Variants in PPP2R2C observed in about 807,000 individuals in gnomAD.
The protein encoded by PPP2R2C is protein phosphatase 2, regulatory subunit B, gamma.
In PPP2R2C, 10 loss-of-function variants were observed where a neutral mutation model predicts 45.3. That is an observed-to-expected ratio of 0.22 (90% CI 0.14 to 0.37). The LOEUF is 0.37. PPP2R2C is among the 10% of genes least tolerant of loss of function. The pLI, the probability that PPP2R2C is intolerant of heterozygous loss-of-function variation, is 1.00. For missense variants in PPP2R2C, 308 were observed against 619.7 expected, an observed-to-expected ratio of 0.50 and a Z score of 5.34; for synonymous variants, 257 against 245.4, an observed-to-expected ratio of 1.05 and a Z score of -0.44.
At chr4:6,537,949 G>A (rs971441621) in intron 1 of PPP2R2C, among the ~76,000 whole-genome samples, 3 of 152,128 alleles carry the variant, frequency 2.0e-5, no homozygotes, top group Admixed American at 2.0e-4. Context: ...CATAGAGACA[G>A]GAAGCAGAAT....
chr4:6,418,235 C>G (rs4379121), intron 1 of PPP2R2C, among the ~76,000 whole-genome samples: 77,866 of 151,986 alleles, frequency 0.51, 21,368 homozygotes, highest in East Asian at 0.87. Flanking sequence ...ACCATTCAGA[C>G]CCACCTACCC....
chr4:6,361,580 T>C lies in PPP2R2C; in HGVS notation c.625+10943A>G, dbSNP rs577245139. ...GACCCAGCACATGGCTACAGTTAAA[T>C]TGAATTTAGTTAAATTAGAACTCCC... On this transcript the variant is annotated intron_variant, in intron 5 of 8. Transcript: ENST00000382599. Among the ~76,000 whole-genome samples, 9 of 152,370 alleles carry C rather than the reference T, an allele frequency of 5.9e-5. No homozygotes were observed. The East Asian group carries it at 1.5e-3, about 26-fold the overall frequency.
intron 5 of PPP2R2C, among the ~76,000 whole-genome samples, chr4:6,363,408 C>G (rs1713996376): frequency 6.6e-6 from 1 of 152,016 alleles, no homozygotes; most frequent in Non-Finnish European, 1.5e-5. Context: ...GAAACCCCGT[C>G]TCTACTAAAA....
At chr4:6,542,376 G>T (rs1244103919) in intron 1 of PPP2R2C, among the ~76,000 whole-genome samples, 2 of 152,220 alleles carry the variant, frequency 1.3e-5, no homozygotes. Context: ...TGACAGGACA[G>T]AACACATTAC....
At chr4:6,375,999 T>A in intron 3 of PPP2R2C, 68 bp from the exon 4 acceptor site, 1 of 1,350,652 alleles carries the variant, frequency 7.4e-7, no homozygotes, top group South Asian at 1.2e-5. Flanking sequence ...AAGATCCACT[T>A]TAGAAGGTGA....
intron 5 of PPP2R2C, chr4:6,350,404 A>T (rs1465503734): frequency 1.0e-6 from 1 of 985,304 alleles, no homozygotes; most frequent in East Asian, 1.1e-4. Context: ...GCCCATGGAT[A>T]ATGTGCAGTA....
chr4:6,508,086 C>A (rs1723297343), intron 2 of PPP2R2C, among the ~76,000 whole-genome samples: 1 of 152,140 alleles, frequency 6.6e-6, no homozygotes, highest in East Asian at 1.9e-4. Context: ...CATAGTAAGA[C>A]CCCAGTCTCT....
intron 1 of PPP2R2C, among the ~76,000 whole-genome samples, chr4:6,463,793 A>C (rs4321706): frequency 0.58 from 88,449 of 152,104 alleles, 27,003 homozygotes; most frequent in East Asian, 0.72. Context: ...CACGTGTCCA[A>C]TTGTGGCCTC....
chr4:6,382,978 C>T, intron 1 of PPP2R2C: 1 of 1,071,940 alleles, frequency 9.3e-7, no homozygotes. Context: ...CCCAGGTGGG[C>T]CGCATCTGGA....
At chr4:6,382,087 A>C in intron 1 of PPP2R2C, 2 of 1,361,322 alleles carry the variant, frequency 1.5e-6, no homozygotes, top group Non-Finnish European at 9.4e-7. Flanking sequence ...CAGCCCCAAA[A>C]TGATTATTAC....
At chr4:6,486,077 T>C (rs1481388593) in intron 2 of PPP2R2C, among the ~76,000 whole-genome samples, 1 of 152,054 alleles carries the variant, frequency 6.6e-6, no homozygotes, top group African/African-American at 2.4e-5. Flanking sequence ...TAGATTTTGA[T>C]ACACTGTGTT....
intron 1 of PPP2R2C, among the ~76,000 whole-genome samples, chr4:6,464,527 G>A (rs548408959): frequency 5.9e-5 from 9 of 152,278 alleles, no homozygotes; most frequent in Non-Finnish European, 1.2e-4. Context: ...ACATAACAGG[G>A]ATCAGCCAAT....
intron 2 of PPP2R2C, among the ~76,000 whole-genome samples, chr4:6,520,881 AGGCAAAGTGCCCAG>A (rs1234464229): frequency 1.2e-4 from 19 of 152,242 alleles, no homozygotes; most frequent in African/African-American, 3.6e-4. Flanking sequence ...GAAGTGCAGG[AGGCAAAGTGCCCAG>A]GGCTGGGAAG....
intron 6 of PPP2R2C, among the ~76,000 whole-genome samples, chr4:6,341,641 T>G (rs1329131700): frequency 6.6e-6 from 1 of 152,084 alleles, no homozygotes; most frequent in Admixed American, 6.6e-5. Context: ...TGAAGGACCT[T>G]GAGGTACGGA....
chr4:6,476,691 C>T (rs939702953), upstream of PPP2R2C, among the ~76,000 whole-genome samples: 1 of 152,170 alleles, frequency 6.6e-6, no homozygotes, highest in Non-Finnish European at 1.5e-5. Flanking sequence ...CCCATCTTGA[C>T]TTTTAACACT....
chr4:6,335,715 G>C (rs1384657226), intron 6 of PPP2R2C, among the ~76,000 whole-genome samples: 1 of 151,958 alleles, frequency 6.6e-6, no homozygotes, highest in Non-Finnish European at 1.5e-5. Context: ...CCTGATCCCA[G>C]GCCACTGCAT....
At chr4:6,509,038 C>T (rs185114630) in intron 2 of PPP2R2C, among the ~76,000 whole-genome samples, 81 of 152,364 alleles carry the variant, frequency 5.3e-4, no homozygotes, top group Middle Eastern at 6.8e-3. Context: ...TCAGACGAAT[C>T]CTTTCCTCTT....
chr4:6,462,134 T>C (rs1053622019), intron 1 of PPP2R2C, among the ~76,000 whole-genome samples: 5 of 152,246 alleles, frequency 3.3e-5, no homozygotes, highest in Admixed American at 2.6e-4. Context: ...CCAAGGCCGA[T>C]GCCCAGGTCC....
upstream of PPP2R2C, among the ~76,000 whole-genome samples, chr4:6,474,801 C>T (rs911123119): frequency 4.0e-5 from 6 of 150,216 alleles, no homozygotes; most frequent in Non-Finnish European, 8.9e-5. Flanking sequence ...TGGAAGCCCT[C>T]CCCCTCCAGC....
Sources: allele counts gnomAD v4.1 joint callset (sites outside exome capture counted in the v4.1 genomes callset), GRCh38; gene constraint gnomAD v4.1.1; transcripts MANE v1.5; gene names NCBI Gene and HGNC (gene_info 2026-07-23, HGNC 2026-07-21).